The following CSMD2 variants were observed in gnomAD, a reference collection of about 807,000 sequenced individuals.
The protein encoded by CSMD2 is CUB and Sushi multiple domains 2, also known as CUB and sushi domain-containing protein 2.
Under a neutral mutation model 398.5 loss-of-function variants are expected in CSMD2, and 130 were observed. The ratio of observed to expected loss-of-function variants is 0.33; its 90% CI spans 0.28 to 0.38. The LOEUF (loss-of-function observed/expected upper bound fraction) is 0.38. Among genes scored for constraint, CSMD2 ranks in the 10% least tolerant of loss-of-function variants. CSMD2 has a pLI of 1.00. For missense variants in CSMD2, 3,829 were observed against 4,764.9 expected (o/e 0.80, Z 5.78); for synonymous variants, 1,828 against 1,908.5 (o/e 0.96, Z 1.10).
intron 13 of CSMD2, among the ~76,000 whole-genome samples, chr1:33,751,558 G>A (rs1473719072): frequency 6.6e-6 from 1 of 152,212 alleles, no homozygotes; most frequent in East Asian, 1.9e-4. Flanking sequence ...TCCTGCTACA[G>A]AAGTTTGGGT....
Position 33,663,068 on chromosome 1 carries a change from T to G in CSMD2, c.4077A>C (p.Thr1359=). The change falls in exon 26 of 71, where the codon ACA becomes ACC. Residue 1359 remains threonine, a synonymous_variant. Coordinates refer to ENST00000373381, the MANE Select transcript of CSMD2 (RefSeq NM_001281956.2). The part of the protein sequence containing the change: ...TIGLHFLVFD[T]EEVHDVLRIW... ...TGCGCAGCACGTCGTGAACCTCCTC[T>G]GTGTCAAACACCAGGAAGTGTAGCC... The G allele has an allele frequency of 6.2e-7, 1 of 1,614,028 alleles. No individual in the cohort carries two copies. Among genetic ancestry groups the G allele is most frequent in the Non-Finnish European group, 8.5e-7 (1 of 1,179,914 alleles).
At chr1:33,594,596 C>G (rs1289339020) in intron 44 of CSMD2, among the ~76,000 whole-genome samples, 1 of 152,132 alleles carries the variant, frequency 6.6e-6, no homozygotes, top group East Asian at 1.9e-4. Flanking sequence ...TTCCTTTCTT[C>G]CTGAATGCTT....
chr1:33,612,215 A>G (rs1297248656), intron 40 of CSMD2, among the ~76,000 whole-genome samples: 2 of 152,240 alleles, frequency 1.3e-5, no homozygotes, highest in African/African-American at 4.8e-5. Flanking sequence ...CGATGAGATT[A>G]TAGATGGATT....
chr1:33,574,621 A>G (rs1352762358), intron 49 of CSMD2, among the ~76,000 whole-genome samples: 1 of 152,158 alleles, frequency 6.6e-6, no homozygotes, highest in Non-Finnish European at 1.5e-5. Context: ...CAGAACCAAT[A>G]AGAGGCATCA....
rs550055536 is a variant in CSMD2 at position 33,541,217 on chromosome 1, G to A, written c.9370C>T (p.Pro3124Ser). 2 of 1,614,006 alleles carry A rather than the reference G, an allele frequency of 1.2e-6. No homozygotes were observed. The highest frequency in any genetic ancestry group is 2.2e-5 in the South Asian group (2 of 91,064). The change falls in exon 59 of 71, where the codon CCT becomes TCT. Residue 3124 changes from proline to serine, a missense_variant. This residue lies in a region of CSMD2 where 917 missense variants were observed against 1,199.5 expected (regional missense o/e 0.76). Coordinates refer to ENST00000373381, the MANE Select transcript of CSMD2 (RefSeq NM_001281956.2). ...CTATGTGACTCCATCATATAGCCAG[G>A]GACACACTGATATGTCACAGTTTTG... is the stretch of plus-strand genomic sequence containing the variant. ...YNKTVTYQCV[P>S]GYMMESHRVS...
chr1:33,531,471 T>C (rs1203626708), intron 64 of CSMD2, among the ~76,000 whole-genome samples: 2 of 152,182 alleles, frequency 1.3e-5, no homozygotes, highest in South Asian at 2.1e-4. Flanking sequence ...TTCCTAGATA[T>C]GTCCCCAGGA....
chr1:33,674,212 T>C (rs1479931609), intron 25 of CSMD2, among the ~76,000 whole-genome samples: 1 of 152,164 alleles, frequency 6.6e-6, no homozygotes, highest in African/African-American at 2.4e-5. Context: ...TCAGGAAACC[T>C]ATCTCACGTG....
chr1:34,158,455 G>A (rs1571299996), intron 1 of CSMD2, among the ~76,000 whole-genome samples: 2 of 152,160 alleles, frequency 1.3e-5, no homozygotes, highest in South Asian at 2.1e-4. Context: ...CGAGGTAGAG[G>A]GTTCTCCCTC....
At chr1:33,700,337 T>G (rs1645569873) in intron 23 of CSMD2, among the ~76,000 whole-genome samples, 180 bp downstream of exon 23, 1 of 152,182 alleles carries the variant, frequency 6.6e-6, no homozygotes, top group Non-Finnish European at 1.5e-5. Context: ...CAAATGCTAT[T>G]CCATTGTATG....
intron 3 of CSMD2, among the ~76,000 whole-genome samples, chr1:33,954,361 T>G: frequency 6.7e-6 from 1 of 150,128 alleles, no homozygotes. Flanking sequence ...TAAGATCTAG[T>G]GGAGGCCAAG....
chr1:33,823,873 G>C (rs1658478419), intron 7 of CSMD2, among the ~76,000 whole-genome samples: 1 of 152,184 alleles, frequency 6.6e-6, no homozygotes, highest in African/African-American at 2.4e-5. Flanking sequence ...TTATCTTCCT[G>C]AGGGAGTTTT....
intron 1 of CSMD2, among the ~76,000 whole-genome samples, chr1:34,101,500 A>T (rs1301651108): frequency 6.6e-6 from 1 of 152,242 alleles, no homozygotes; most frequent in African/African-American, 2.4e-5. Flanking sequence ...CTCAATAGTT[A>T]TGTCTAGGAA....
chr1:33,848,373 G>T (rs918716635), intron 5 of CSMD2, among the ~76,000 whole-genome samples: 12 of 152,328 alleles, frequency 7.9e-5, no homozygotes, highest in Admixed American at 7.2e-4. Flanking sequence ...AGGAGGCAAA[G>T]AATGAATACG....
intron 5 of CSMD2, among the ~76,000 whole-genome samples, chr1:33,894,445 C>T (rs1642247772): frequency 6.6e-6 from 1 of 152,188 alleles, no homozygotes; most frequent in South Asian, 2.1e-4. Context: ...AATAACCCCT[C>T]AGGAGCAGCC....
intron 5 of CSMD2, among the ~76,000 whole-genome samples, chr1:33,850,712 G>C (rs1638644420): frequency 6.6e-6 from 1 of 151,780 alleles, no homozygotes. Context: ...AATTGCTATT[G>C]CAGTACAACA....
chr1:33,708,295 G>A (rs768722339), intron 22 of CSMD2, among the ~76,000 whole-genome samples: 1 of 152,090 alleles, frequency 6.6e-6, no homozygotes, highest in African/African-American at 2.4e-5. Flanking sequence ...GTACACTGAA[G>A]CTACTGCAAT....
At chr1:33,544,259 A>C (rs1570679315) in intron 57 of CSMD2, among the ~76,000 whole-genome samples, 1 of 147,262 alleles carries the variant, frequency 6.8e-6, no homozygotes, top group Non-Finnish European at 1.5e-5. Flanking sequence ...GGCGCCTGCT[A>C]CCACGACCGG....
chr1:33,832,255 G>C (rs1398180545), intron 6 of CSMD2, among the ~76,000 whole-genome samples: 1 of 151,952 alleles, frequency 6.6e-6, no homozygotes. Flanking sequence ...TGACCACATA[G>C]TTGGAAGTAA....
intron 1 of CSMD2, among the ~76,000 whole-genome samples, chr1:34,115,150 G>C (rs1661486263): frequency 6.6e-6 from 1 of 151,702 alleles, no homozygotes; most frequent in African/African-American, 2.4e-5. Flanking sequence ...AGTCTTAGAA[G>C]GAGAAAAGAG....
Sources: gnomAD v4.1 joint callset for allele counts (sites outside exome capture counted in the v4.1 genomes callset) on GRCh38, gnomAD v4.1.1 for gene constraint, gnomAD v4.1.1 regional missense constraint, MANE v1.5 for transcripts, NCBI Gene and HGNC (gene_info 2026-07-23, HGNC 2026-07-21) for gene names.